Variants in IL15RA observed in about 807,000 individuals in gnomAD.
The protein encoded by IL15RA is interleukin-15 receptor subunit alpha.
A neutral mutation model predicts 24.2 loss-of-function variants in IL15RA; 26 were observed. The observed-to-expected ratio is 1.07, with a 90% confidence interval of 0.79 to 1.49. The LOEUF is 1.49. IL15RA is among the 40% of genes most tolerant of loss of function. The pLI is 0.00. For synonymous variants in IL15RA, 166 were observed against 157.6 expected, an observed-to-expected ratio of 1.05 and a Z score of -0.40; for missense variants, 354 against 356.4, an observed-to-expected ratio of 0.99 and a Z score of 0.05.
chr10:5,965,736 T>A lies in IL15RA; in HGVS notation c.283+409A>T, dbSNP rs1836403316. Among the ~76,000 whole-genome samples the A allele has an allele frequency of 6.6e-6, 1 of 152,202 alleles. No homozygotes were observed. Among genetic ancestry groups the A allele is most frequent in the Non-Finnish European group, 1.5e-5 (1 of 68,040 alleles). On this transcript the variant is annotated intron_variant, in intron 2 of 6. Coordinates refer to ENST00000379977, the MANE Select transcript of IL15RA (RefSeq NM_002189.4). This position sits in a 1 kb window ranked among gnomAD's most constrained non-coding sequence, Gnocchi z 5.8. ...GGTGTCTTTCTTTTTTTCTTTCTTT[T>A]TTGAGATGGAGTCTTGCTGTGTCAC...
chr10:5,950,258 G>A (rs1451464721), downstream of IL15RA, among the ~76,000 whole-genome samples: 1 of 152,124 alleles, frequency 6.6e-6, no homozygotes, highest in Non-Finnish European at 1.5e-5. The surrounding 1 kb of genome is among the most constrained non-coding windows in gnomAD (Gnocchi z 5.6). Context: ...GGGGACTGAA[G>A]GCCTCACAGC....
Position 5,963,464 on chromosome 10 carries a change from T to C in IL15RA, c.382+279A>G, listed in dbSNP as rs1192828771. Among the ~76,000 whole-genome samples the C allele has an allele frequency of 6.6e-6, 1 of 152,256 alleles. No homozygotes were observed. Among genetic ancestry groups the C allele is most frequent in the African/African-American group, 2.4e-5 (1 of 41,472 alleles). The stretch of plus-strand genomic sequence containing the variant: ...CAAACCTCAGTCTGCTTTCAGTTCT[T>C]GACAAAGATAAGTGTCTACAACTAA... On this transcript the variant is annotated intron_variant, in intron 3 of 6. Coordinates refer to ENST00000379977, the MANE Select transcript of IL15RA (RefSeq NM_002189.4). This position sits in a 1 kb window ranked among gnomAD's most constrained non-coding sequence, Gnocchi z 5.3.
In IL15RA at chr10:5,965,744, G is replaced by A. The variant is rs1013686760; in HGVS notation, c.283+401C>T. On this transcript the variant is annotated intron_variant, in intron 2 of 6. Coordinates refer to ENST00000379977, the MANE Select transcript of IL15RA (RefSeq NM_002189.4). This position sits in a 1 kb window ranked among gnomAD's most constrained non-coding sequence, Gnocchi z 5.8. ...TCTTTTTTTCTTTCTTTTTTGAGAT[G>A]GAGTCTTGCTGTGTCACCCAGGCTG... Among the ~76,000 whole-genome samples, 4 of 152,030 alleles carry A rather than the reference G, an allele frequency of 2.6e-5. No homozygotes were observed. The highest frequency in any genetic ancestry group is 9.7e-5 in the African/African-American group (4 of 41,376).
In IL15RA at chr10:5,967,460, C is replaced by T. The variant is rs1254517487; in HGVS notation, c.89-1121G>A. Among the ~76,000 whole-genome samples, 2 of 152,224 alleles carry T rather than the reference C, an allele frequency of 1.3e-5. No individual in the cohort carries two copies. Among genetic ancestry groups the T allele is most frequent in the Non-Finnish European group, 2.9e-5 (2 of 68,040 alleles). On this transcript the variant is annotated intron_variant, in intron 1 of 6. Coordinates refer to ENST00000379977, the MANE Select transcript of IL15RA (RefSeq NM_002189.4). The surrounding 1 kb of genome is among the most constrained non-coding windows in gnomAD (Gnocchi z 4.4). ...CCTTGTGATCATCCCGCTTTGGCCT[C>T]CCAAAGTGTTGGGATTACAGGTGTG...
chr10:5,968,535 A>T lies in IL15RA; in HGVS notation c.89-2196T>A. The T allele has an allele frequency of 1.9e-6, 1 of 531,862 alleles. No individual in the cohort carries two copies. Among genetic ancestry groups the T allele is most frequent in the South Asian group, 2.2e-5 (1 of 44,618 alleles). 32.9% of individuals were successfully genotyped at this position (531,862 alleles called of 1,614,324 possible). A position where few individuals can be genotyped will look rare whatever the true frequency, so the allele number is the denominator to read the frequency against. ...TTCTGCTAAGCTGATGGCGTGAGAG[A>T]TGGAGTCGATCTCACAAGTTGTTGA... is the stretch of plus-strand genomic sequence containing the variant. On this transcript the variant is annotated intron_variant, in intron 1 of 6. Coordinates refer to ENST00000379977, the MANE Select transcript of IL15RA (RefSeq NM_002189.4). The surrounding 1 kb of genome is among the most constrained non-coding windows in gnomAD (Gnocchi z 5.4).
chr10:5,968,807 G>T lies in IL15RA; in HGVS notation c.89-2468C>A. 1.4e-6 allele frequency: 1 copy of T among 721,502 alleles called. No homozygotes were observed. Among genetic ancestry groups the T allele is most frequent in the Non-Finnish European group, 2.5e-6 (1 of 402,506 alleles). The allele number at this position is 721,502 out of a possible 1,614,324, so 44.7% of individuals were successfully genotyped here. A position where few individuals can be genotyped will look rare whatever the true frequency, so the allele number is the denominator to read the frequency against. On this transcript the variant is annotated intron_variant, in intron 1 of 6. Transcript: ENST00000379977. This position sits in a 1 kb window ranked among gnomAD's most constrained non-coding sequence, Gnocchi z 5.4. ...GCTGCCTGCTTGTCCGATGGTGGTG[G>T]CACTGGGGGCAGTTTTCCATTGTCC...
At chr10:5,956,124 C>T (rs902194697) in intron 6 of IL15RA, among the ~76,000 whole-genome samples, 1 of 152,124 alleles carries the variant, frequency 6.6e-6, no homozygotes, top group Non-Finnish European at 1.5e-5. Flanking sequence ...AAGCGATTCT[C>T]CTGCCTCAGC....
chr10:5,949,132 G>A, downstream of IL15RA: 1 of 445,044 alleles, frequency 2.2e-6, no homozygotes, highest in South Asian at 1.7e-5. The surrounding 1 kb of genome is among the most constrained non-coding windows in gnomAD (Gnocchi z 4.4). Context: ...TGGAGACAGG[G>A]TCATTGGGAG....
chr10:5,949,108 G>A (rs1314939853), downstream of IL15RA: 4 of 400,106 alleles, frequency 1.0e-5, 1 homozygote, highest in African/African-American at 4.1e-5. The surrounding 1 kb of genome is among the most constrained non-coding windows in gnomAD (Gnocchi z 4.4). Flanking sequence ...CCCTGTCAGT[G>A]CGTGCAGCAC....
chr10:5,972,955 A>T (rs939890507), intron 1 of IL15RA, among the ~76,000 whole-genome samples: 1 of 152,232 alleles, frequency 6.6e-6, no homozygotes, highest in Admixed American at 6.5e-5. Flanking sequence ...GCTTAAAAAT[A>T]CTTAAAGACA....
At chr10:5,977,321 A>G in intron 1 of IL15RA, 84 bp downstream of exon 1, 7 of 606,320 alleles carry the variant, frequency 1.2e-5, no homozygotes, top group Non-Finnish European at 1.5e-5. Context: ...CGGCCCGGGG[A>G]GATGGGGCGC....
At position 5,965,519 on chromosome 10, in the gene IL15RA, C is replaced by T. The variant is rs1836365531; in HGVS notation, c.283+626G>A. ...GAGTTAATATTTACCAGGGTTCACG[C>T]CACCCTCCCACAGCCCGCAGTGTGG... On this transcript the variant is annotated intron_variant, in intron 2 of 6. Coordinates refer to ENST00000379977, the MANE Select transcript of IL15RA (RefSeq NM_002189.4). The surrounding 1 kb of genome is among the most constrained non-coding windows in gnomAD (Gnocchi z 5.8). 6.6e-6 allele frequency among the ~76,000 whole-genome samples: 1 copy of T among 152,238 alleles called. No individual in the cohort carries two copies. Among genetic ancestry groups the T allele is most frequent in the South Asian group, 2.1e-4 (1 of 4,830 alleles).
Position 5,961,075 on chromosome 10 carries a change from C to T in IL15RA, c.383-508G>A, listed in dbSNP as rs981887185. ...AATTACAGGTGTCCACCACCACGCC[C>T]AGCTAATTTTTGTATTTTTAATAGA... On this transcript the variant is annotated intron_variant, in intron 3 of 6. Transcript: ENST00000379977. This position sits in a 1 kb window ranked among gnomAD's most constrained non-coding sequence, Gnocchi z 5.2. 1.3e-5 allele frequency among the ~76,000 whole-genome samples: 2 copies of T among 152,134 alleles called. No individual in the cohort carries two copies. Among genetic ancestry groups the T allele is most frequent in the African/African-American group, 2.4e-5 (1 of 41,434 alleles).
In IL15RA at chr10:5,963,618, G is replaced by A. The variant is rs1835967136; in HGVS notation, c.382+125C>T. On this transcript the variant is annotated intron_variant, in intron 3 of 6. Coordinates refer to ENST00000379977, the MANE Select transcript of IL15RA (RefSeq NM_002189.4). The surrounding 1 kb of genome is among the most constrained non-coding windows in gnomAD (Gnocchi z 5.3). Reference sequence around the variant, plus strand: ...GTTCTTATTCTTGATTGAATAAGACGTTTGCGCTATTGCCTAAGTCTGCAG... The same window carrying A: ...GTTCTTATTCTTGATTGAATAAGACATTTGCGCTATTGCCTAAGTCTGCAG... The A allele has an allele frequency of 1.7e-5, 9 of 521,714 alleles. No individual in the cohort carries two copies. The highest frequency in any genetic ancestry group is 8.6e-5 in the Admixed American group (2 of 23,240). 32.3% of individuals were successfully genotyped at this position (521,714 alleles called of 1,614,324 possible).
At position 5,965,464 on chromosome 10, in the gene IL15RA, C is replaced by A. The variant is rs959474975; in HGVS notation, c.283+681G>T. 6.6e-6 allele frequency among the ~76,000 whole-genome samples: 1 copy of A among 152,344 alleles called. No homozygotes were observed. The highest frequency in any genetic ancestry group is 6.5e-5 in the Admixed American group (1 of 15,306). ...TGCAGCCAAATTCTCCTGCCAGCAT[C>A]GTCTCAAATCAAAGCACTACATGTA... On this transcript the variant is annotated intron_variant, in intron 2 of 6. Coordinates refer to ENST00000379977, the MANE Select transcript of IL15RA (RefSeq NM_002189.4). The surrounding 1 kb of genome is among the most constrained non-coding windows in gnomAD (Gnocchi z 5.8).
Position 5,966,442 on chromosome 10 carries a change from G to T in IL15RA, c.89-103C>A, listed in dbSNP as rs1836556415. 7.3e-6 allele frequency: 7 copies of T among 963,584 alleles called. No homozygotes were observed. The South Asian group carries it at 9.5e-5, about 13-fold the overall frequency. 59.7% of individuals were successfully genotyped at this position (963,584 alleles called of 1,614,324 possible). A position where few individuals can be genotyped will look rare whatever the true frequency, so the allele number is the denominator to read the frequency against. On this transcript the variant is annotated intron_variant, in intron 1 of 6. Coordinates refer to ENST00000379977, the MANE Select transcript of IL15RA (RefSeq NM_002189.4). This position sits in a 1 kb window ranked among gnomAD's most constrained non-coding sequence, Gnocchi z 6.4. ...AGTCAGTGTCCAGCTTATCCTAGGGGTGCCTCAGGACAAGCCCCAGGTGCC... is the reference window on the plus strand; with the variant it reads ...AGTCAGTGTCCAGCTTATCCTAGGGTTGCCTCAGGACAAGCCCCAGGTGCC...
rs748689605 is a variant in IL15RA, at chr10:5,971,897, C to T, written c.88+5508G>A. On this transcript the variant is annotated intron_variant, in intron 1 of 6. Transcript: ENST00000379977. This position sits in a 1 kb window ranked among gnomAD's most constrained non-coding sequence, Gnocchi z 5.5. ...GTGTGCCAGGTGAATTTCTCCATAA[C>T]TCGAATCCTTAAATAATGATTATTG... is the stretch of plus-strand genomic sequence containing the variant. 4.6e-5 allele frequency among the ~76,000 whole-genome samples: 7 copies of T among 152,200 alleles called. No individual in the cohort carries two copies. The highest frequency in any genetic ancestry group is 7.2e-5 in the African/African-American group (3 of 41,436).
At chr10:5,952,101 A>G (rs1833917009), downstream of IL15RA, among the ~76,000 whole-genome samples, 1 of 152,204 alleles carries the variant, frequency 6.6e-6, no homozygotes, top group Non-Finnish European at 1.5e-5. Context: ...AATGTCAAAA[A>G]CAGCAAAGAA....
Position 5,968,444 on chromosome 10 carries a change from A to C in IL15RA, c.89-2105T>G. On this transcript the variant is annotated intron_variant, in intron 1 of 6. Transcript: ENST00000379977. This position sits in a 1 kb window ranked among gnomAD's most constrained non-coding sequence, Gnocchi z 5.4. ...CTGTCACAGGGGCAGCGCTCTGCTCACTTCCTGTCTCAGGCATCTATTGTC... is the reference window on the plus strand; with the variant it reads ...CTGTCACAGGGGCAGCGCTCTGCTCCCTTCCTGTCTCAGGCATCTATTGTC... 3.4e-6 allele frequency: 1 copy of C among 297,724 alleles called. No individual in the cohort carries two copies. The allele number at this position is 297,724 out of a possible 1,614,324, so 18.4% of individuals were successfully genotyped here.
Sources: allele counts gnomAD v4.1 joint callset (sites outside exome capture counted in the v4.1 genomes callset), GRCh38; gene constraint gnomAD v4.1.1; non-coding constraint Gnocchi (gnomAD v3.1); transcripts MANE v1.5; gene names NCBI Gene and HGNC (gene_info 2026-07-23, HGNC 2026-07-21).